TCERG1L: variants seen among roughly 807,000 people sequenced by gnomAD.
TCERG1L encodes transcription elongation regulator 1 like.
In TCERG1L, 37 loss-of-function variants were observed where a neutral mutation model predicts 56.3. The observed-to-expected ratio is 0.66, with a 90% CI of 0.51 to 0.87. TCERG1L has a LOEUF of 0.87. Ranked by LOEUF, TCERG1L falls within the 40% of genes least tolerant of loss-of-function variation. TCERG1L has a pLI of 0.00. For missense variants in TCERG1L, 799 were observed against 774.2 expected (o/e 1.03, Z -0.38); for synonymous variants, 324 against 326.3 (o/e 0.99, Z 0.08).
At chr10:131,117,912 C>T (rs893340123) in intron 8 of TCERG1L, among the ~76,000 whole-genome samples, 11 of 152,204 alleles carry the variant, frequency 7.2e-5, no homozygotes. Context: ...AATGCAGACG[C>T]CGTTCTTCTT....
At chr10:131,274,974 T>C (rs1035588099) in intron 3 of TCERG1L, among the ~76,000 whole-genome samples, 5 of 152,210 alleles carry the variant, frequency 3.3e-5, no homozygotes, top group African/African-American at 1.2e-4. Flanking sequence ...GGAAGACCCC[T>C]AGGCCCCACA....
At position 131,114,185 on chromosome 10, in the gene TCERG1L, A is replaced by C. The variant is rs533180817; in HGVS notation, c.1395+2614T>G. ...ACAAGTACATGAATTTCTGAACGGAAGTATTGAACAAATGCAATAACAAAT... is the reference window on the plus strand; with the variant it reads ...ACAAGTACATGAATTTCTGAACGGACGTATTGAACAAATGCAATAACAAAT... On this transcript the variant is annotated intron_variant, in intron 9 of 11. Transcript: ENST00000368642. Among the ~76,000 whole-genome samples, 250 of 142,250 alleles carry C rather than the reference A, an allele frequency of 1.8e-3. 46 individuals carry two copies. The highest frequency in any genetic ancestry group is 2.3e-3 in the Non-Finnish European group (145 of 63,386). 93.3% of individuals were successfully genotyped at this position (142,250 alleles called of 152,430 possible).
chr10:131,140,123 C>T (rs1169053065), intron 7 of TCERG1L, among the ~76,000 whole-genome samples: 3 of 152,158 alleles, frequency 2.0e-5, no homozygotes, highest in East Asian at 1.9e-4. Flanking sequence ...ATCCTAGGCA[C>T]GCCTAAACTT....
At chr10:131,301,776 A>C (rs973782019) in intron 3 of TCERG1L, among the ~76,000 whole-genome samples, 1 of 152,112 alleles carries the variant, frequency 6.6e-6, no homozygotes, top group Non-Finnish European at 1.5e-5. Context: ...CACCCACAAA[A>C]ATAAAAACAG....
Position 131,133,802 on chromosome 10 carries a change from C to G in TCERG1L, c.1259+577G>C, listed in dbSNP as rs1038215039. Among the ~76,000 whole-genome samples the G allele has an allele frequency of 6.6e-5, 10 of 152,330 alleles. No individual in the cohort carries two copies. The East Asian group carries it at 1.2e-3, about 18-fold the overall frequency. On this transcript the variant is annotated intron_variant, in intron 8 of 11. Transcript: ENST00000368642. The stretch of plus-strand genomic sequence containing the variant: ...CCCTACCTCGGTGCATGGCAACTCC[C>G]AAAATCAAACCGTGACCAGCGACTT...
intron 2 of TCERG1L, among the ~76,000 whole-genome samples, chr10:131,308,629 C>T (rs1029355992): frequency 2.6e-5 from 4 of 152,112 alleles, no homozygotes; most frequent in African/African-American, 9.7e-5. Flanking sequence ...TCACTTCAGC[C>T]CAGCAGTTCA....
At chr10:131,182,567 G>C (rs1038383150) in intron 4 of TCERG1L, among the ~76,000 whole-genome samples, 4 of 152,178 alleles carry the variant, frequency 2.6e-5, no homozygotes, top group African/African-American at 9.7e-5. Context: ...TCGGAACTCT[G>C]CATGACCAAA....
chr10:131,095,281 G>A (rs1191550358), intron 11 of TCERG1L: 1 of 155,354 alleles, frequency 6.4e-6, no homozygotes, highest in Non-Finnish European at 1.4e-5. Flanking sequence ...AACCCCACCT[G>A]GCTAGGACCC....
intron 9 of TCERG1L, among the ~76,000 whole-genome samples, chr10:131,114,689 A>T (rs1158963457): frequency 6.6e-6 from 1 of 152,168 alleles, no homozygotes; most frequent in Non-Finnish European, 1.5e-5. Flanking sequence ...GTCTGATAGC[A>T]TCCCTGCCCG....
chr10:131,298,306 T>G (rs1164189440), intron 3 of TCERG1L, among the ~76,000 whole-genome samples: 1 of 152,230 alleles, frequency 6.6e-6, no homozygotes, highest in Non-Finnish European at 1.5e-5. Flanking sequence ...TTCTTTGACC[T>G]ATGCATTACT....
At chr10:131,295,594 T>C (rs1287391233) in intron 3 of TCERG1L, among the ~76,000 whole-genome samples, 1 of 152,272 alleles carries the variant, frequency 6.6e-6, no homozygotes, top group Non-Finnish European at 1.5e-5. Flanking sequence ...TAATTTTCTT[T>C]AAACTCACAT....
intron 9 of TCERG1L, among the ~76,000 whole-genome samples, chr10:131,116,197 C>T (rs1186246634): frequency 6.6e-6 from 1 of 152,190 alleles, no homozygotes; most frequent in African/African-American, 2.4e-5. Flanking sequence ...TCCCCCCGAC[C>T]CCCAAGTCAA....
chr10:131,148,555 G>A (rs1426002667), intron 6 of TCERG1L, among the ~76,000 whole-genome samples: 3 of 143,994 alleles, frequency 2.1e-5, no homozygotes, highest in Non-Finnish European at 4.7e-5. Context: ...CACACATGCA[G>A]AGAAACACAC....
chr10:131,251,870 C>A (rs1846114772), intron 4 of TCERG1L, among the ~76,000 whole-genome samples: 1 of 152,200 alleles, frequency 6.6e-6, no homozygotes, highest in African/African-American at 2.4e-5. Flanking sequence ...CAGCCGTCAC[C>A]ACCATCCACA....
Position 131,309,294 on chromosome 10 carries a change from C to T in TCERG1L, c.348G>A (p.Leu116=), listed in dbSNP as rs200103264. ...HPFPALHGQW[L]FGGHSPSLGL... is the part of the protein sequence containing the mutation. ...CTAGGGACGGAGAATGGCCACCAAA[C>T]AGCCACTGCAAGCCAAGCAAGAAAA... The change falls in exon 2 of 12, where the codon CTG becomes CTA. Residue 116 remains leucine, a synonymous_variant. Coordinates refer to ENST00000368642, the MANE Select transcript of TCERG1L (RefSeq NM_174937.4). 2.5e-6 allele frequency: 4 copies of T among 1,592,264 alleles called. No individual in the cohort carries two copies. The highest frequency in any genetic ancestry group is 4.7e-5 in the East Asian group (2 of 42,576).
chr10:131,268,638 C>T (rs1345084302), intron 3 of TCERG1L, among the ~76,000 whole-genome samples: 6 of 152,256 alleles, frequency 3.9e-5, no homozygotes, highest in East Asian at 1.9e-4. Flanking sequence ...CCTTCATCGA[C>T]GCTCTTAGCT....
intron 3 of TCERG1L, among the ~76,000 whole-genome samples, chr10:131,280,049 G>A (rs888757681): frequency 1.3e-5 from 2 of 152,210 alleles, no homozygotes; most frequent in Non-Finnish European, 2.9e-5. Context: ...CAAGCTTGAG[G>A]ATGCATGGCT....
intron 6 of TCERG1L, among the ~76,000 whole-genome samples, chr10:131,157,837 C>A (rs893681111): frequency 6.6e-6 from 1 of 152,142 alleles, no homozygotes; most frequent in African/African-American, 2.4e-5. Flanking sequence ...GACACGGTAT[C>A]CTTGAAAGTA....
intron 4 of TCERG1L, among the ~76,000 whole-genome samples, chr10:131,241,563 G>A (rs969863909): frequency 4.0e-5 from 6 of 151,576 alleles, no homozygotes; most frequent in Non-Finnish European, 7.4e-5. Context: ...ACATAAGAGA[G>A]GACATGCATG....
Sources: allele counts gnomAD v4.1 joint callset (sites outside exome capture counted in the v4.1 genomes callset), GRCh38; gene constraint gnomAD v4.1.1; transcripts MANE v1.5; gene names NCBI Gene and HGNC (gene_info 2026-07-23, HGNC 2026-07-21).